Variants in SORCS2 observed in about 807,000 individuals in gnomAD.
SORCS2 encodes VPS10 domain-containing receptor SorCS2.
Under a neutral mutation model 141.6 loss-of-function variants are expected in SORCS2, and 100 were observed. The ratio of observed to expected loss-of-function variants is 0.71; its 90% CI spans 0.60 to 0.83. The LOEUF (loss-of-function observed/expected upper bound fraction) is 0.83, where lower values mean the gene tolerates loss of function less well. SORCS2 is among the 40% of genes least tolerant of loss of function. The pLI is 0.00. For missense variants in SORCS2, 1,646 were observed against 1,560.2 expected, an observed-to-expected ratio of 1.05 and a Z score of -0.93; for synonymous variants, 789 against 676.9, an observed-to-expected ratio of 1.17 and a Z score of -2.57.
At chr4:7,639,930 AAT>A (rs1400515721) in intron 4 of SORCS2, among the ~76,000 whole-genome samples, 7 of 47,248 alleles carry the variant, frequency 1.5e-4, no homozygotes, top group African/African-American at 4.1e-4. Flanking sequence ...TGTTTGTGAG[AAT>A]ATGTCTGTGT....
At chr4:7,323,224 A>G (rs1719017227) in intron 1 of SORCS2, among the ~76,000 whole-genome samples, 1 of 152,356 alleles carries the variant, frequency 6.6e-6, no homozygotes, top group East Asian at 1.9e-4. Flanking sequence ...ACATAATGAT[A>G]GCAAAAGAAC....
intron 1 of SORCS2, among the ~76,000 whole-genome samples, chr4:7,378,533 G>A (rs1722795242): frequency 6.6e-6 from 1 of 152,146 alleles, no homozygotes; most frequent in South Asian, 2.1e-4. Context: ...GATCTCATGG[G>A]AACTCACTCA....
At chr4:7,484,838 C>A (rs146236294) in intron 2 of SORCS2, among the ~76,000 whole-genome samples, 5 of 152,238 alleles carry the variant, frequency 3.3e-5, no homozygotes, top group African/African-American at 9.6e-5. Context: ...AGCCTGCCTC[C>A]TCCACGCAGC....
chr4:7,229,626 G>A (rs532249447), intron 1 of SORCS2, among the ~76,000 whole-genome samples: 25 of 152,366 alleles, frequency 1.6e-4, no homozygotes, highest in African/African-American at 5.5e-4. Flanking sequence ...ATAGAGGGCT[G>A]AGGTCACTCC....
In SORCS2 at chr4:7,433,529, C is replaced by A. The variant is rs761409651; in HGVS notation, c.548+37174C>A. On this transcript the variant is annotated intron_variant, in intron 2 of 26. Coordinates refer to ENST00000507866, the MANE Select transcript of SORCS2 (RefSeq NM_020777.3). ...GGGTCCATCATGTCCTTGAGACTCTCAATGAGCACGGGCTCGTACTGGGTG... is the reference window on the plus strand; with the variant it reads ...GGGTCCATCATGTCCTTGAGACTCTAAATGAGCACGGGCTCGTACTGGGTG... 7 of 1,609,208 alleles carry A rather than the reference C, an allele frequency of 4.3e-6. No homozygotes were observed. In the South Asian group the frequency reaches 7.7e-5, roughly 18 times the overall value.
chr4:7,724,654 GTAGTTA>G (rs1726987148), intron 19 of SORCS2, among the ~76,000 whole-genome samples: 1 of 145,200 alleles, frequency 6.9e-6, no homozygotes, highest in Non-Finnish European at 1.5e-5. Context: ...GGTGATGGTG[GTAGTTA>G]TGGTGATAAT....
intron 25 of SORCS2, 87 bp downstream of exon 25, chr4:7,734,461 A>G: frequency 1.1e-6 from 1 of 951,356 alleles, no homozygotes; most frequent in Non-Finnish European, 1.5e-6. Context: ...AGATCTAGAA[A>G]GGGCCCCAGC....
intron 2 of SORCS2, among the ~76,000 whole-genome samples, chr4:7,415,956 A>G (rs980020291): frequency 1.3e-5 from 2 of 152,224 alleles, no homozygotes; most frequent in Admixed American, 6.5e-5. Context: ...AAGGATGGAT[A>G]GGAGTTTTCA....
At chr4:7,724,594 G>A (rs200917059) in intron 19 of SORCS2, among the ~76,000 whole-genome samples, 1,437 of 80,542 alleles carry the variant, frequency 0.018, 99 homozygotes, top group African/African-American at 0.068. Context: ...GGTGGTGTTG[G>A]TGATGGTGGT....
chr4:7,232,739 C>G lies in SORCS2; in HGVS notation c.480+39613C>G, dbSNP rs986182003. Among the ~76,000 whole-genome samples, 27 of 152,298 alleles carry G rather than the reference C, an allele frequency of 1.8e-4. 1 individual carries two copies. Among genetic ancestry groups the G allele is most frequent in the Admixed American group, 4.6e-4 (7 of 15,306 alleles). Reference sequence around the variant, plus strand: ...GCACCCTGCTGGGAGCTGCCCTGGGCCCCCTCAGTAGGCAGCGACACTGTG... The same window carrying G: ...GCACCCTGCTGGGAGCTGCCCTGGGGCCCCTCAGTAGGCAGCGACACTGTG... On this transcript the variant is annotated intron_variant, in intron 1 of 26. Coordinates refer to ENST00000507866, the MANE Select transcript of SORCS2 (RefSeq NM_020777.3).
intron 1 of SORCS2, among the ~76,000 whole-genome samples, chr4:7,311,198 C>A (rs534137791): frequency 6.6e-6 from 1 of 152,152 alleles, no homozygotes; most frequent in Non-Finnish European, 1.5e-5. Flanking sequence ...CTTGTCTGGC[C>A]TCCTCTACTC....
At chr4:7,436,340 C>T (rs1254575268) in intron 2 of SORCS2, among the ~76,000 whole-genome samples, 5 of 152,226 alleles carry the variant, frequency 3.3e-5, no homozygotes, top group South Asian at 2.1e-4. Context: ...TTCAGTCCAT[C>T]GCCTGACATT....
Position 7,667,171 on chromosome 4 carries a change from T to C in SORCS2, c.1119T>C (p.Asn373=). The C allele has an allele frequency of 1.2e-6, 2 of 1,613,802 alleles. No homozygotes were observed. Among genetic ancestry groups the C allele is most frequent in the South Asian group, 2.2e-5 (2 of 91,072 alleles). Residue 373 remains asparagine (N), a synonymous_variant, in exon 8 of 27, where the codon AAT becomes AAC. Coordinates refer to ENST00000507866, the MANE Select transcript of SORCS2 (RefSeq NM_020777.3). The stretch of plus-strand genomic sequence containing the variant: ...AATACTACGTCTCTTATCGTCGAAA[T>C]GAATTTGTCCTGATGAAGCTGCCGA... The part of the protein sequence containing the change: ...QTKYYVSYRR[N]EFVLMKLPKY...
chr4:7,599,027 A>G (rs776982262), intron 3 of SORCS2, among the ~76,000 whole-genome samples: 15 of 152,058 alleles, frequency 9.9e-5, no homozygotes, highest in Non-Finnish European at 1.6e-4. Context: ...CAGCCGGGAG[A>G]AGTGGGCCGA....
intron 2 of SORCS2, among the ~76,000 whole-genome samples, chr4:7,473,259 C>T (rs28578475): frequency 0.14 from 21,300 of 151,980 alleles, 2,052 homozygotes; most frequent in African/African-American, 0.25. Context: ...CGGGAGCCTG[C>T]GGGGTGGGTC....
chr4:7,661,411 G>A, intron 5 of SORCS2, 89 bp from the exon 6 acceptor site: 1 of 1,405,134 alleles, frequency 7.1e-7, no homozygotes, highest in East Asian at 2.5e-5. Flanking sequence ...AACCAGGGAG[G>A]CCACGTGGCT....
intron 3 of SORCS2, among the ~76,000 whole-genome samples, chr4:7,637,978 G>A (rs1162295114): frequency 6.6e-6 from 1 of 152,006 alleles, no homozygotes. Flanking sequence ...ATGAACAGAC[G>A]AATGAGTGAA....
intron 1 of SORCS2, among the ~76,000 whole-genome samples, chr4:7,281,646 T>C (rs1268108071): frequency 6.6e-6 from 1 of 152,200 alleles, no homozygotes; most frequent in Admixed American, 6.5e-5. Context: ...CGAGCCTCCA[T>C]TGGGCCGTTT....
At chr4:7,722,373 G>A (rs564277202) in intron 18 of SORCS2, among the ~76,000 whole-genome samples, 1 of 152,330 alleles carries the variant, frequency 6.6e-6, no homozygotes, top group East Asian at 1.9e-4. Flanking sequence ...GAGAGCCTCA[G>A]TCTTCTAACC....
Sources: allele counts gnomAD v4.1 joint callset (sites outside exome capture counted in the v4.1 genomes callset), GRCh38; gene constraint gnomAD v4.1.1; transcripts MANE v1.5; gene names NCBI Gene and HGNC (gene_info 2026-07-23, HGNC 2026-07-21).